Variants in PHF14 observed in about 807,000 individuals in gnomAD.
PHF14 encodes the protein PHD finger protein 14.
Under a neutral mutation model 117.9 loss-of-function variants are expected in PHF14, and 55 were observed. The observed-to-expected ratio is 0.47, with a 90% CI of 0.38 to 0.58. The LOEUF (loss-of-function observed/expected upper bound fraction) is 0.58. Ranked by LOEUF, PHF14 falls within the 20% of genes least tolerant of loss-of-function variation. PHF14 has a pLI of 0.00. For synonymous variants in PHF14, 409 were observed against 368.6 expected, an observed-to-expected ratio of 1.11 and a Z score of -1.26; for missense variants, 978 against 1,122.2, an observed-to-expected ratio of 0.87 and a Z score of 1.84.
chr7:11,123,803 C>T (rs972075273), intron 17 of PHF14, among the ~76,000 whole-genome samples: 1 of 147,792 alleles, frequency 6.8e-6, no homozygotes, highest in East Asian at 1.9e-4. Context: ...GAGCAGAGAT[C>T]GTGCCACTAC....
At chr7:11,021,969 T>A (rs1562424446) in intron 5 of PHF14, among the ~76,000 whole-genome samples, 1 of 152,130 alleles carries the variant, frequency 6.6e-6, no homozygotes, top group Non-Finnish European at 1.5e-5. Context: ...TTCACAGGGT[T>A]AATAGAGATT....
At chr7:11,124,285 A>G (rs2128347005) in intron 17 of PHF14, among the ~76,000 whole-genome samples, 1 of 152,252 alleles carries the variant, frequency 6.6e-6, no homozygotes. Flanking sequence ...AAAAAATTAC[A>G]GTTAGATCAT....
chr7:11,045,376 C>T (rs1425519913), intron 13 of PHF14, among the ~76,000 whole-genome samples: 1 of 152,070 alleles, frequency 6.6e-6, no homozygotes, highest in African/African-American at 2.4e-5. Context: ...CTTGAACTTC[C>T]ACAGGTCCCT....
At chr7:10,984,240 G>A (rs1782141302) in intron 3 of PHF14, among the ~76,000 whole-genome samples, 1 of 152,040 alleles carries the variant, frequency 6.6e-6, no homozygotes, top group Non-Finnish European at 1.5e-5. Flanking sequence ...TTAAAAATTT[G>A]GTGATTTCGT....
intron 17 of PHF14, among the ~76,000 whole-genome samples, chr7:11,118,989 T>C (rs571852343): frequency 5.9e-5 from 9 of 151,986 alleles, no homozygotes; most frequent in East Asian, 3.9e-4. Context: ...ACTATATTGA[T>C]AATTTACAAA....
chr7:11,138,457 A>C (rs1263837108), intron 17 of PHF14, among the ~76,000 whole-genome samples: 1 of 152,222 alleles, frequency 6.6e-6, no homozygotes, highest in Non-Finnish European at 1.5e-5. Context: ...CATAGTAAAC[A>C]TTAAAAATTA....
chr7:10,983,695 TTATGTGTATGGG>T (rs1782123189), intron 3 of PHF14, among the ~76,000 whole-genome samples: 1 of 152,174 alleles, frequency 6.6e-6, no homozygotes, highest in Non-Finnish European at 1.5e-5. Flanking sequence ...AATCTTTGCT[TTATGTGTATGGG>T]ACATACACAT....
At position 10,999,888 on chromosome 7, in the gene PHF14, A is replaced by G. The variant is rs553497327; in HGVS notation, c.1045+9041A>G. 3.9e-5 allele frequency among the ~76,000 whole-genome samples: 6 copies of G among 152,336 alleles called. No individual in the cohort carries two copies. In the East Asian group the frequency reaches 9.6e-4, roughly 24 times the overall value. The stretch of plus-strand genomic sequence containing the variant: ...TGTGTAATTGATTTAACTGACTTTG[A>G]TGGCAGTCCAAGTTATAAATATTTT... On this transcript the variant is annotated intron_variant, in intron 4 of 17. Transcript: ENST00000634607.
At chr7:11,015,372 A>ATCT (rs1409658744) in intron 5 of PHF14, among the ~76,000 whole-genome samples, 1 of 152,176 alleles carries the variant, frequency 6.6e-6, no homozygotes, top group African/African-American at 2.4e-5. Flanking sequence ...TGACTAAAGA[A>ATCT]TCTTACCTCT....
intron 17 of PHF14, among the ~76,000 whole-genome samples, chr7:11,161,991 A>G (rs1448602547): frequency 6.7e-6 from 1 of 149,648 alleles, no homozygotes; most frequent in Non-Finnish European, 1.5e-5. Context: ...CATACTCACC[A>G]TAAAAGAATT....
intron 17 of PHF14, among the ~76,000 whole-genome samples, chr7:11,123,074 C>G (rs988045799): frequency 1.5e-4 from 23 of 152,096 alleles, no homozygotes; most frequent in African/African-American, 5.6e-4. Flanking sequence ...CGGACCATTT[C>G]TTTGGTTTTT....
intron 16 of PHF14, chr7:11,104,114 T>A (rs572399048): frequency 1.1e-4 from 105 of 984,856 alleles, no homozygotes; most frequent in Non-Finnish European, 1.2e-4. Flanking sequence ...TTGCTTTATT[T>A]TAGGTTTTTT....
intron 16 of PHF14, among the ~76,000 whole-genome samples, chr7:11,096,215 C>G (rs576259635): frequency 6.6e-6 from 1 of 152,142 alleles, no homozygotes; most frequent in South Asian, 2.1e-4. Context: ...GGGATTAAAA[C>G]CATTTAGGGC....
intron 16 of PHF14, among the ~76,000 whole-genome samples, chr7:11,068,951 C>G (rs1393827096): frequency 6.6e-6 from 1 of 152,124 alleles, no homozygotes; most frequent in Admixed American, 6.5e-5. Context: ...TTATTACATG[C>G]ATTTTTAAGA....
At chr7:11,031,690 G>A (rs1562430041) in intron 7 of PHF14, among the ~76,000 whole-genome samples, 1 of 151,914 alleles carries the variant, frequency 6.6e-6, no homozygotes, top group Admixed American at 6.6e-5. Context: ...GGAGTTTGAG[G>A]CTGCATTGAA....
chr7:11,101,081 C>T (rs142912264), intron 16 of PHF14, among the ~76,000 whole-genome samples: 3,906 of 151,834 alleles, frequency 0.026, 63 homozygotes, highest in Non-Finnish European at 0.04. Flanking sequence ...AGTTTTTTGT[C>T]CTGGGAAGAT....
intron 16 of PHF14, among the ~76,000 whole-genome samples, chr7:11,067,943 A>G (rs1014617856): frequency 6.6e-6 from 1 of 151,818 alleles, no homozygotes; most frequent in Non-Finnish European, 1.5e-5. Context: ...TGACGTAAAC[A>G]CCTCCCATTA....
intron 16 of PHF14, among the ~76,000 whole-genome samples, chr7:11,090,543 CT>C (rs1786603731): frequency 6.6e-6 from 1 of 152,086 alleles, no homozygotes; most frequent in African/African-American, 2.4e-5. Flanking sequence ...AAATGTAGAT[CT>C]TTTTTTAAAA....
intron 4 of PHF14, among the ~76,000 whole-genome samples, chr7:11,007,181 G>A (rs903619753): frequency 6.6e-6 from 1 of 151,570 alleles, no homozygotes; most frequent in African/African-American, 2.4e-5. Flanking sequence ...TAACAAGAGC[G>A]AAACTCCGTC....
Sources: allele counts gnomAD v4.1 joint callset (sites outside exome capture counted in the v4.1 genomes callset), GRCh38; gene constraint gnomAD v4.1.1; transcripts MANE v1.5; gene names NCBI Gene and HGNC (gene_info 2026-07-23, HGNC 2026-07-21).